The following ARIH1 variants were observed in gnomAD, a reference collection of about 807,000 sequenced individuals.
The protein encoded by ARIH1 is E3 ubiquitin-protein ligase ARIH1.
Under a neutral mutation model 85.0 loss-of-function variants are expected in ARIH1, and 8 were observed. That is an observed-to-expected ratio of 0.09 (90% confidence interval 0.06 to 0.17). The LOEUF (loss-of-function observed/expected upper bound fraction) is 0.17, where lower values mean the gene tolerates loss of function less well. Ranked by LOEUF, ARIH1 falls within the 10% of genes least tolerant of loss-of-function variation. The pLI is 1.00. For missense variants in ARIH1, 311 were observed against 718.1 expected, an observed-to-expected ratio of 0.43 and a Z score of 6.48; for synonymous variants, 238 against 253.6, an observed-to-expected ratio of 0.94 and a Z score of 0.59.
At chr15:72,526,500 T>C (rs2064029057) in intron 2 of ARIH1, among the ~76,000 whole-genome samples, 1 of 152,090 alleles carries the variant, frequency 6.6e-6, no homozygotes, top group African/African-American at 2.4e-5. Context: ...GAGGCTTAGG[T>C]TGGAGGGTCA....
intron 9 of ARIH1, among the ~76,000 whole-genome samples, chr15:72,568,755 G>GA (rs2064231458): frequency 6.6e-6 from 1 of 152,148 alleles, no homozygotes; most frequent in East Asian, 1.9e-4. Context: ...TGCTTGTTTG[G>GA]AAAAAATGTA....
chr15:72,511,956 G>C (rs763154779), intron 1 of ARIH1, among the ~76,000 whole-genome samples: 17 of 152,196 alleles, frequency 1.1e-4, no homozygotes, highest in Non-Finnish European at 1.9e-4. Context: ...TAGGCTTTTA[G>C]TGTGGTAATT....
intron 5 of ARIH1, among the ~76,000 whole-genome samples, chr15:72,560,001 T>TCAA (rs2064191126): frequency 6.6e-6 from 1 of 152,250 alleles, no homozygotes; most frequent in Non-Finnish European, 1.5e-5. Flanking sequence ...AGTATATATA[T>TCAA]TTCAAAGGAG....
At chr15:72,525,466 C>G (rs1423152201) in intron 2 of ARIH1, among the ~76,000 whole-genome samples, 1 of 151,950 alleles carries the variant, frequency 6.6e-6, no homozygotes, top group African/African-American at 2.4e-5. Context: ...AGAAACATGC[C>G]CATTGTAATC....
intron 2 of ARIH1, among the ~76,000 whole-genome samples, chr15:72,541,955 TG>T (rs1366560280): frequency 1.3e-5 from 2 of 151,644 alleles, no homozygotes; most frequent in Admixed American, 1.3e-4. Context: ...CTAATGGGGG[TG>T]GAAGTGAGGA....
rs553948963 is a variant in ARIH1 at position 72,590,716 on chromosome 15, A to T, written c.*7424A>T. 6.6e-6 allele frequency: 1 copy of T among 152,384 alleles called. No homozygotes were observed. Among genetic ancestry groups the T allele is most frequent in the East Asian group, 1.9e-4 (1 of 5,184 alleles). 9.4% of individuals were successfully genotyped at this position (152,384 alleles called of 1,614,324 possible). On this transcript the variant is annotated 3_prime_UTR_variant, in exon 14 of 14. Transcript: ENST00000379887. The stretch of plus-strand genomic sequence containing the variant: ...CCTGCCACAGCCTCCTGAGTAACCT[A>T]GGACTATAGGTGCATGCCACCATGC...
intron 1 of ARIH1, among the ~76,000 whole-genome samples, chr15:72,505,901 A>G (rs985805215): frequency 3.9e-5 from 6 of 151,952 alleles, no homozygotes; most frequent in Non-Finnish European, 2.9e-5. Context: ...ATAGCGGGTA[A>G]TTTTTTGTGT....
chr15:72,491,989 C>T (rs1025505029), intron 1 of ARIH1, among the ~76,000 whole-genome samples: 2 of 152,154 alleles, frequency 1.3e-5, no homozygotes, highest in African/African-American at 4.8e-5. Flanking sequence ...AGTCAATGGG[C>T]TCTGACTTGT....
At chr15:72,484,032 G>A (rs2063826970) in intron 1 of ARIH1, among the ~76,000 whole-genome samples, 1 of 151,874 alleles carries the variant, frequency 6.6e-6, no homozygotes, top group African/African-American at 2.4e-5. Flanking sequence ...AATTAGCCGG[G>A]CATGGTGGTG....
chr15:72,487,705 C>G (rs1026566869), intron 1 of ARIH1, among the ~76,000 whole-genome samples: 1 of 151,940 alleles, frequency 6.6e-6, no homozygotes, highest in Non-Finnish European at 1.5e-5. Flanking sequence ...ATCCTTTTTA[C>G]TAACTAATCC....
chr15:72,547,174 G>T (rs1274402315), intron 3 of ARIH1, among the ~76,000 whole-genome samples: 1 of 150,638 alleles, frequency 6.6e-6, no homozygotes, highest in Non-Finnish European at 1.5e-5. Context: ...TGATCTGCCC[G>T]CCTCAGCATG....
chr15:72,572,991 A>G (rs1292415307), intron 11 of ARIH1, among the ~76,000 whole-genome samples: 1 of 152,078 alleles, frequency 6.6e-6, no homozygotes, highest in Non-Finnish European at 1.5e-5. Context: ...CAGTCTGGTG[A>G]TTTTATTGTA....
intron 3 of ARIH1, among the ~76,000 whole-genome samples, chr15:72,549,112 GA>G (rs2064142175): frequency 1.4e-5 from 2 of 145,480 alleles, no homozygotes; most frequent in South Asian, 4.3e-4. Flanking sequence ...TTTTGAGGCA[GA>G]GCCTTGCTCT....
At chr15:72,480,019 T>C (rs1436823667) in intron 1 of ARIH1, among the ~76,000 whole-genome samples, 1 of 151,834 alleles carries the variant, frequency 6.6e-6, no homozygotes, top group Non-Finnish European at 1.5e-5. Context: ...AGGCAGCCGC[T>C]ACCATGCCTG....
rs1046792150 is a variant in ARIH1 at position 72,599,226 on chromosome 15, T to C, written c.*15934T>C. On this transcript the variant is annotated 3_prime_UTR_variant, in exon 14 of 14. Transcript: ENST00000379887. ...TTAGTAGAGACAGGGTTTCACCATG[T>C]TGGCCAGGTTGGTCTCCAACTCCTG... 2 of 152,200 alleles carry C rather than the reference T, an allele frequency of 1.3e-5. No individual in the cohort carries two copies. Among genetic ancestry groups the C allele is most frequent in the Non-Finnish European group, 2.9e-5 (2 of 68,088 alleles). 9.4% of individuals were successfully genotyped at this position (152,200 alleles called of 1,614,324 possible). A position where few individuals can be genotyped will look rare whatever the true frequency, so the allele number is the denominator to read the frequency against.
intron 1 of ARIH1, among the ~76,000 whole-genome samples, chr15:72,482,691 A>G (rs1439556556): frequency 6.6e-6 from 1 of 152,086 alleles, no homozygotes; most frequent in Non-Finnish European, 1.5e-5. Context: ...GTTACCCCAA[A>G]ACTTAGTGGC....
At chr15:72,495,566 A>G (rs567113882) in intron 1 of ARIH1, among the ~76,000 whole-genome samples, 2 of 152,334 alleles carry the variant, frequency 1.3e-5, no homozygotes, top group Non-Finnish European at 2.9e-5. Flanking sequence ...AGAATATACA[A>G]ATGGTTAGAT....
At position 72,597,168 on chromosome 15, in the gene ARIH1, G is replaced by GTTTTTT. The variant is rs35136107; in HGVS notation, c.*13880_*13885dup. ...ACTTCCAAAACAGAGCATGCCCTTT[G>GTTTTTT]TTTTTTTTTCAGGCCACTTGAATGG... On this transcript the variant is annotated 3_prime_UTR_variant, in exon 14 of 14. Coordinates refer to ENST00000379887, the MANE Select transcript of ARIH1 (RefSeq NM_005744.5). The GTTTTTT allele has an allele frequency of 6.7e-6, 1 of 149,656 alleles. No homozygotes were observed. The highest frequency in any genetic ancestry group is 1.5e-5 in the Non-Finnish European group (1 of 67,558). 9.3% of individuals were successfully genotyped at this position (149,656 alleles called of 1,614,324 possible). A position where few individuals can be genotyped will look rare whatever the true frequency, so the allele number is the denominator to read the frequency against.
intron 3 of ARIH1, among the ~76,000 whole-genome samples, chr15:72,551,856 G>T (rs568570467): frequency 6.6e-6 from 1 of 152,218 alleles, no homozygotes; most frequent in South Asian, 2.1e-4. Context: ...GAAATATACA[G>T]TGTAAAACCT....
Sources: allele counts gnomAD v4.1 joint callset (sites outside exome capture counted in the v4.1 genomes callset), GRCh38; gene constraint gnomAD v4.1.1; transcripts MANE v1.5; gene names NCBI Gene and HGNC (gene_info 2026-07-23, HGNC 2026-07-21).